The following CSMD1 variants were observed in gnomAD, a reference collection of about 807,000 sequenced individuals.
The protein encoded by CSMD1 is CUB and sushi domain-containing protein 1.
A neutral mutation model predicts 417.5 loss-of-function variants in CSMD1; 213 were observed. That is an observed-to-expected ratio of 0.51 (90% CI 0.46 to 0.57). CSMD1 has a LOEUF of 0.57. Ranked by LOEUF, CSMD1 falls within the 20% of genes least tolerant of loss-of-function variation. CSMD1 has a pLI of 0.00. For missense variants in CSMD1, 6,923 were observed against 4,529.7 expected (o/e 1.53, Z -15.17); for synonymous variants, 2,862 against 1,736.8 (o/e 1.65, Z -16.11).
intron 37 of CSMD1, among the ~76,000 whole-genome samples, chr8:3,170,176 T>C (rs1049028089): frequency 3.9e-5 from 6 of 152,238 alleles, no homozygotes; most frequent in Non-Finnish European, 4.4e-5. Flanking sequence ...TGCTCATTTT[T>C]CTTTACAACT....
At chr8:4,907,180 T>G (rs936996045) in intron 1 of CSMD1, among the ~76,000 whole-genome samples, 7 of 152,342 alleles carry the variant, frequency 4.6e-5, no homozygotes, top group Admixed American at 3.9e-4. Flanking sequence ...TTCCCTGTCC[T>G]TCTATTTTTT....
chr8:4,351,788 A>G (rs1801110001), intron 3 of CSMD1, among the ~76,000 whole-genome samples: 1 of 152,108 alleles, frequency 6.6e-6, no homozygotes. Context: ...TATTTTGTGC[A>G]CTTGGAATCC....
chr8:4,309,673 C>G (rs926371170), intron 3 of CSMD1, among the ~76,000 whole-genome samples: 53 of 152,216 alleles, frequency 3.5e-4, no homozygotes, highest in African/African-American at 1.1e-3. Flanking sequence ...GAGCATATCA[C>G]CTTACACATT....
At chr8:4,295,872 T>C (rs1264055615) in intron 3 of CSMD1, among the ~76,000 whole-genome samples, 1 of 150,002 alleles carries the variant, frequency 6.7e-6, no homozygotes, top group African/African-American at 2.4e-5. Flanking sequence ...CCCAAACAAG[T>C]ACAATGCTCT....
At chr8:3,442,003 G>C (rs891953335) in intron 12 of CSMD1, among the ~76,000 whole-genome samples, 2 of 151,636 alleles carry the variant, frequency 1.3e-5, no homozygotes, top group African/African-American at 2.4e-5. Flanking sequence ...CAGTGTGTAG[G>C]CCTAAGCTAT....
chr8:3,542,219 A>G (rs1017951329), intron 10 of CSMD1, among the ~76,000 whole-genome samples: 20 of 152,210 alleles, frequency 1.3e-4, no homozygotes, highest in Admixed American at 1.1e-3. Context: ...ACCTCTTATT[A>G]ATCAATGACT....
chr8:4,418,548 T>C (rs1490875803), intron 3 of CSMD1, among the ~76,000 whole-genome samples: 4 of 152,194 alleles, frequency 2.6e-5, no homozygotes, highest in African/African-American at 7.2e-5. Context: ...TTCTAAAATG[T>C]GGAAGCATTA....
chr8:4,786,964 A>G (rs1235628303), intron 1 of CSMD1, among the ~76,000 whole-genome samples: 1 of 152,190 alleles, frequency 6.6e-6, no homozygotes, highest in Non-Finnish European at 1.5e-5. Context: ...TTAAGGCAAT[A>G]TTGTTGGTAT....
chr8:3,398,227 T>TACC (rs1414173068), intron 16 of CSMD1, among the ~76,000 whole-genome samples: 2 of 152,202 alleles, frequency 1.3e-5, no homozygotes, highest in African/African-American at 4.8e-5. Context: ...CGCCTGCCAA[T>TACC]ACCAGTAAGT....
intron 5 of CSMD1, among the ~76,000 whole-genome samples, chr8:3,956,053 C>T (rs979288316): frequency 5.3e-5 from 8 of 152,180 alleles, no homozygotes; most frequent in African/African-American, 1.9e-4. Context: ...CCTCAGCTTC[C>T]CAAAGTGGTG....
intron 11 of CSMD1, among the ~76,000 whole-genome samples, chr8:3,485,532 C>CACACACAT (rs1400715279): frequency 8.8e-6 from 1 of 114,250 alleles, no homozygotes; most frequent in East Asian, 2.3e-4. Flanking sequence ...ACAATACACA[C>CACACACAT]ACACACAGAG....
chr8:4,618,697 A>T (rs1355310575), intron 2 of CSMD1, among the ~76,000 whole-genome samples: 1 of 152,144 alleles, frequency 6.6e-6, no homozygotes, highest in Non-Finnish European at 1.5e-5. Context: ...AAAATATTAG[A>T]TCCAAAACGT....
chr8:4,552,634 T>A (rs763341486), intron 2 of CSMD1, among the ~76,000 whole-genome samples: 15 of 151,818 alleles, frequency 9.9e-5, no homozygotes, highest in Non-Finnish European at 1.9e-4. Context: ...AAAAAAAAAA[T>A]GAAAGCTGTT....
intron 3 of CSMD1, among the ~76,000 whole-genome samples, chr8:4,329,449 G>A (rs1035179826): frequency 8.6e-5 from 13 of 152,028 alleles, no homozygotes; most frequent in Non-Finnish European, 1.8e-4. Flanking sequence ...TCAGCACACT[G>A]GCTAATTTTT....
intron 8 of CSMD1, among the ~76,000 whole-genome samples, chr8:3,614,453 T>C (rs1018839971): frequency 7.2e-5 from 11 of 152,142 alleles, no homozygotes; most frequent in African/African-American, 2.7e-4. Flanking sequence ...GGAGTAAAGA[T>C]TGGCTTACTC....
At position 4,861,598 on chromosome 8, in the gene CSMD1, G is replaced by A. The variant is rs1424274522; in HGVS notation, c.85+132734C>T. Among the ~76,000 whole-genome samples the A allele has an allele frequency of 2.6e-5, 4 of 152,120 alleles. No individual in the cohort carries two copies. The East Asian group carries it at 7.7e-4, about 29-fold the overall frequency. Reference sequence around the variant, plus strand: ...TTAGGATTGTCAACTGAAGTTCTTTGAACAGAGGCTGTGGATAATTAAAAT... The same window carrying A: ...TTAGGATTGTCAACTGAAGTTCTTTAAACAGAGGCTGTGGATAATTAAAAT... On this transcript the variant is annotated intron_variant, in intron 1 of 69. Transcript: ENST00000635120.
At chr8:4,531,509 G>T (rs1423802169) in intron 2 of CSMD1, among the ~76,000 whole-genome samples, 2 of 152,060 alleles carry the variant, frequency 1.3e-5, no homozygotes, top group Non-Finnish European at 2.9e-5. Flanking sequence ...AACGTCACCT[G>T]CCCTACACAC....
intron 49 of CSMD1, among the ~76,000 whole-genome samples, chr8:3,061,151 G>A (rs1463568516): frequency 1.3e-5 from 2 of 152,018 alleles, no homozygotes; most frequent in African/African-American, 2.4e-5. Flanking sequence ...TTTATGACTC[G>A]GACAATGTAT....
chr8:3,775,575 G>A (rs921656065), intron 5 of CSMD1, among the ~76,000 whole-genome samples: 1 of 152,186 alleles, frequency 6.6e-6, no homozygotes, highest in Non-Finnish European at 1.5e-5. Context: ...ATGATCTCCA[G>A]TGTGGACTCA....
Sources: gnomAD v4.1 joint callset for allele counts (sites outside exome capture counted in the v4.1 genomes callset) on GRCh38, gnomAD v4.1.1 for gene constraint, MANE v1.5 for transcripts, NCBI Gene and HGNC (gene_info 2026-07-23, HGNC 2026-07-21) for gene names.